C6orf132: variants seen among roughly 807,000 people sequenced by gnomAD.
The protein encoded by C6orf132 is uncharacterized protein C6orf132.
In C6orf132, 43 loss-of-function variants were observed where a neutral mutation model predicts 65.3. The ratio of observed to expected loss-of-function variants is 0.66; its 90% CI spans 0.52 to 0.85. The LOEUF is 0.85. Ranked by LOEUF, C6orf132 falls within the 40% of genes least tolerant of loss-of-function variation. C6orf132 has a pLI of 0.00. For synonymous variants in C6orf132, 631 were observed against 654.1 expected, an observed-to-expected ratio of 0.96 and a Z score of 0.54; for missense variants, 1,488 against 1,548.8, an observed-to-expected ratio of 0.96 and a Z score of 0.66.
At chr6:42,132,779 C>A (rs1766873107) in intron 1 of C6orf132, among the ~76,000 whole-genome samples, 1 of 151,082 alleles carries the variant, frequency 6.6e-6, no homozygotes, top group African/African-American at 2.4e-5. Context: ...ACCGCTTAAA[C>A]CCGGGAAGCA....
chr6:42,105,241 A>G lies in C6orf132; in HGVS notation c.2671T>C (p.Ser891Pro). The part of the protein sequence containing the change: ...SIFHSQGTPN[S>P]FTVVPKLPKE... ...GGTAACTTGGGCACCACAGTGAAGG[A>G]GTTGGGCGTGCCCTGGCTGTGGAAG... The change falls in exon 4 of 5, where the codon TCC (serine) becomes CCC (proline). Residue 891 changes from serine (S) to proline (P), a missense_variant. By Grantham distance (74) the Ser-to-Pro change is moderately conservative (BLOSUM62 -1). Coordinates refer to ENST00000341865, the MANE Select transcript of C6orf132 (RefSeq NM_001164446.3). The G allele has an allele frequency of 6.5e-7, 1 of 1,537,116 alleles. No homozygotes were observed. The highest frequency in any genetic ancestry group is 8.7e-7 in the Non-Finnish European group (1 of 1,146,882).
intron 2 of C6orf132, among the ~76,000 whole-genome samples, chr6:42,122,351 G>A (rs898351606): frequency 1.3e-5 from 2 of 152,206 alleles, no homozygotes; most frequent in South Asian, 4.1e-4. Flanking sequence ...ATGGCCCTGA[G>A]CCCACTTCAA....
At chr6:42,137,580 GAT>G (rs1332084344) in intron 1 of C6orf132, among the ~76,000 whole-genome samples, 1 of 152,080 alleles carries the variant, frequency 6.6e-6, no homozygotes, top group African/African-American at 2.4e-5. Flanking sequence ...GGGTCCTCCT[GAT>G]AAGGAGCTGG....
At position 42,106,674 on chromosome 6, in the gene C6orf132, G is replaced by A. The variant is rs1426079050; in HGVS notation, c.1238C>T (p.Ala413Val). 2.6e-6 allele frequency: 4 copies of A among 1,524,402 alleles called. No individual in the cohort carries two copies. In the South Asian group the frequency reaches 4.8e-5, roughly 18 times the overall value. The allele number at this position is 1,524,402 out of a possible 1,614,324, so 94.4% of individuals were successfully genotyped here. A position where few individuals can be genotyped will look rare whatever the true frequency, so the allele number is the denominator to read the frequency against. The change falls in exon 4 of 5, where the codon GCT becomes GTT. Residue 413 changes from alanine (A) to valine (V), a missense_variant. Ala to Val is a moderately conservative substitution (Grantham distance 64, BLOSUM62 0). Transcript: ENST00000341865. Reference sequence around the variant, plus strand: ...CTGAGCACAGGGCAAAGGAGGTGCAGCTGGGGGAAGTGGGGGTGCTGGGGG... The same window carrying A: ...CTGAGCACAGGGCAAAGGAGGTGCAACTGGGGGAAGTGGGGGTGCTGGGGG... ...LPPPAPPLPPAAPPLPCAQKA... is the reference protein window; with the variant it reads ...LPPPAPPLPPVAPPLPCAQKA...
At chr6:42,111,996 C>T (rs1432245653) in intron 2 of C6orf132, among the ~76,000 whole-genome samples, 1 of 147,578 alleles carries the variant, frequency 6.8e-6, no homozygotes, top group African/African-American at 2.6e-5. Flanking sequence ...ACCCATCCCA[C>T]ATTGTAGCTT....
intron 2 of C6orf132, among the ~76,000 whole-genome samples, chr6:42,117,790 G>A (rs1396507859): frequency 6.6e-6 from 1 of 151,838 alleles, no homozygotes; most frequent in Non-Finnish European, 1.5e-5. Flanking sequence ...CAGGTGTAGT[G>A]GTGGGCACCT....
chr6:42,120,381 G>A lies in C6orf132; in HGVS notation c.252+8291C>T, dbSNP rs556228771. 3.8e-4 allele frequency among the ~76,000 whole-genome samples: 58 copies of A among 151,190 alleles called. 1 individual carries two copies. In the South Asian group the frequency reaches 0.012, roughly 31 times the overall value. On this transcript the variant is annotated intron_variant, in intron 2 of 4. Transcript: ENST00000341865. ...CCTGTCTCAGCCTCCCAAGTAGCTG[G>A]GACTACAGGCACCCACCACCACGTC...
Position 42,104,917 on chromosome 6 carries a change from G to C in C6orf132, c.2995C>G (p.Pro999Ala). 6.9e-7 allele frequency: 1 copy of C among 1,456,508 alleles called. No individual in the cohort carries two copies. 90.2% of individuals were successfully genotyped at this position (1,456,508 alleles called of 1,614,324 possible). A position where few individuals can be genotyped will look rare whatever the true frequency, so the allele number is the denominator to read the frequency against. The change falls in exon 4 of 5, where the codon CCG (proline) becomes GCG (alanine). Residue 999 changes from proline to alanine, a missense_variant. Physicochemically the swap from Pro to Ala is conservative, Grantham distance 27 (BLOSUM62 -1). Transcript: ENST00000341865. This position sits in a 1 kb window ranked among gnomAD's most constrained non-coding sequence, Gnocchi z 4.1. ...PPEFSNDPEPPAPALQYLGRQ... is the reference protein window; with the variant it reads ...PPEFSNDPEPAAPALQYLGRQ... Reference sequence around the variant, plus strand: ...CCCAGATACTGGAGGGCCGGGGCCGGGGGCTCAGGGTCATTGCTGAACTCT... The same window carrying C: ...CCCAGATACTGGAGGGCCGGGGCCGCGGGCTCAGGGTCATTGCTGAACTCT...
chr6:42,115,027 ATGGTGGCT>A (rs1052847760), intron 2 of C6orf132, among the ~76,000 whole-genome samples: 9 of 147,414 alleles, frequency 6.1e-5, no homozygotes, highest in Admixed American at 2.7e-4. Flanking sequence ...AAAGCCGGGC[ATGGTGGCT>A]CACACCTGTA....
chr6:42,131,574 T>C (rs978135326), intron 1 of C6orf132, among the ~76,000 whole-genome samples: 9 of 152,128 alleles, frequency 5.9e-5, no homozygotes, highest in African/African-American at 1.4e-4. Flanking sequence ...AATCCCACCA[T>C]GTACGGGGGT....
At chr6:42,119,864 G>A (rs1009066167) in intron 2 of C6orf132, among the ~76,000 whole-genome samples, 3 of 151,892 alleles carry the variant, frequency 2.0e-5, no homozygotes, top group Non-Finnish European at 2.9e-5. Context: ...GGGAGGCCGA[G>A]GTGGGCTGAT....
At chr6:42,126,842 G>C in intron 2 of C6orf132, 1 of 379,066 alleles carries the variant, frequency 2.6e-6, no homozygotes, top group Non-Finnish European at 4.5e-6. Flanking sequence ...ATGAAACTCA[G>C]TCTGCAAAAA....
chr6:42,110,975 C>T (rs9471768), intron 2 of C6orf132, among the ~76,000 whole-genome samples: 13,284 of 152,200 alleles, frequency 0.087, 817 homozygotes, highest in Non-Finnish European at 0.13. Flanking sequence ...AATTCCATCT[C>T]GATGAAAAAG....
intron 2 of C6orf132, among the ~76,000 whole-genome samples, chr6:42,114,485 T>G (rs1766536970): frequency 6.6e-6 from 1 of 152,234 alleles, no homozygotes; most frequent in African/African-American, 2.4e-5. Flanking sequence ...CTGATGTTTT[T>G]TCAGGGAAGG....
chr6:42,105,221 CTT>C lies in C6orf132; in HGVS notation c.2689_2690del (p.Lys897ValfsTer6), dbSNP rs1562032342. 1 of 1,537,178 alleles carries C rather than the reference CTT, an allele frequency of 6.5e-7. No individual in the cohort carries two copies. The highest frequency in any genetic ancestry group is 8.7e-7 in the Non-Finnish European group (1 of 1,146,898). ...AGTCCTTCTCAGCCTCCTTGGGTAACTTGGGCACCACAGTGAAGGAGTTGGGC... is the reference window on the plus strand; with the variant it reads ...AGTCCTTCTCAGCCTCCTTGGGTAACGGGCACCACAGTGAAGGAGTTGGGC... ...GTPNSFTVVPKLPKEAEKDSP... is the reference protein window; with the variant it reads ...GTPNSFTVVPXLPKEAEKDSP... On this transcript the variant is annotated frameshift_variant, in exon 4 of 5. Coordinates refer to ENST00000341865, the MANE Select transcript of C6orf132 (RefSeq NM_001164446.3). LOFTEE classifies it high-confidence loss of function.
At position 42,119,248 on chromosome 6, in the gene C6orf132, C is replaced by CA. The variant is rs1156356191; in HGVS notation, c.253-8958dup. On this transcript the variant is annotated intron_variant, in intron 2 of 4. Transcript: ENST00000341865. ...TGGGCACAAGAGCAAGACTCTGTCT[C>CA]AAAAAAAAAAAAAAAAAAAAAAAAA... is the stretch of plus-strand genomic sequence containing the variant. 9.2e-3 allele frequency among the ~76,000 whole-genome samples: 411 copies of CA among 44,760 alleles called. 14 individuals carry two copies. Among genetic ancestry groups the CA allele is most frequent in the African/African-American group, 0.029 (296 of 10,230 alleles). The allele number at this position is 44,760 out of a possible 152,430, so 29.4% of individuals were successfully genotyped here.
chr6:42,105,870 G>A lies in C6orf132; in HGVS notation c.2042C>T (p.Thr681Ile), dbSNP rs1766393317. Residue 681 changes from threonine (T) to isoleucine (I), a missense_variant, in exon 4 of 5, where the codon ACA becomes ATA. By Grantham distance (89) the Thr-to-Ile change is moderately conservative. Transcript: ENST00000341865. ...TPLKATSGPT[T>I]PLKATSGPAI... ...AGGGCCAGATGTGGCCTTGAGTGGT[G>A]TGGTTGGCCCAGATGTGGCCTTGAG... 2.0e-6 allele frequency: 3 copies of A among 1,537,230 alleles called. No individual in the cohort carries two copies. Among genetic ancestry groups the A allele is most frequent in the Non-Finnish European group, 2.6e-6 (3 of 1,146,886 alleles).
Position 42,105,556 on chromosome 6 carries a change from T to C in C6orf132, c.2356A>G (p.Met786Val), listed in dbSNP as rs1562032565. The change falls in exon 4 of 5, where the codon ATG becomes GTG. Residue 786 changes from methionine to valine, a missense_variant. By Grantham distance (21) the Met-to-Val change is conservative (BLOSUM62 1). Transcript: ENST00000341865. The part of the protein sequence containing the change: ...SSLSREVAVV[M>V]PTLARGGAAG... ...GCCCCTCCTCTGGCCAGGGTGGGCA[T>C]CACCACAGCAACCTCACGGCTGAGG... is the stretch of plus-strand genomic sequence containing the variant. The C allele has an allele frequency of 2.0e-6, 3 of 1,535,874 alleles. No homozygotes were observed. The highest frequency in any genetic ancestry group is 3.9e-5 in the Admixed American group (2 of 50,994).
chr6:42,112,966 A>C (rs563323717), intron 2 of C6orf132, among the ~76,000 whole-genome samples: 1 of 151,566 alleles, frequency 6.6e-6, no homozygotes, highest in East Asian at 1.9e-4. Context: ...AATGGCCTTG[A>C]GCCATCAACT....
Sources: gnomAD v4.1 joint callset for allele counts (sites outside exome capture counted in the v4.1 genomes callset) on GRCh38, gnomAD v4.1.1 for gene constraint, Gnocchi (gnomAD v3.1) non-coding constraint, MANE v1.5 for transcripts, NCBI Gene and HGNC (gene_info 2026-07-23, HGNC 2026-07-21) for gene names.